The following EFCAB13 variants were observed in gnomAD, a reference collection of about 807,000 sequenced individuals.
The protein encoded by EFCAB13 is EF-hand calcium-binding domain-containing protein 13.
In EFCAB13, 91 loss-of-function variants were observed where a neutral mutation model predicts 110.2. The observed-to-expected ratio is 0.83, with a 90% CI of 0.70 to 0.98. EFCAB13 has a LOEUF of 0.98. Ranked by LOEUF, EFCAB13 falls within the 50% of genes least tolerant of loss-of-function variation. The probability of loss-of-function intolerance (pLI) is 0.00; values close to 1 mark genes in which losing one functional copy is unlikely to be tolerated. For synonymous variants in EFCAB13, 323 were observed against 369.9 expected (o/e 0.87, Z 1.45); for missense variants, 968 against 1,119.4 (o/e 0.86, Z 1.93).
intron 23 of EFCAB13, among the ~76,000 whole-genome samples, chr17:47,428,169 C>G (rs1251419694): frequency 2.0e-5 from 3 of 151,932 alleles, no homozygotes; most frequent in African/African-American, 7.2e-5. Flanking sequence ...TGAATATTAA[C>G]ATTTTCAAAA....
At position 47,398,614 on chromosome 17, in the gene EFCAB13, G is replaced by A. The variant is rs1202119407; in HGVS notation, c.1945+2637G>A. ...ACTCAGGGTTAAATGGATTAAGGGC[G>A]GTGCAAGATGTGCTTTGTTAAACAG... On this transcript the variant is annotated intron_variant, in intron 17 of 24. Coordinates refer to ENST00000331493, the MANE Select transcript of EFCAB13 (RefSeq NM_152347.5). Among the ~76,000 whole-genome samples, 5 of 151,666 alleles carry A rather than the reference G, an allele frequency of 3.3e-5. No individual in the cohort carries two copies. In the South Asian group the frequency reaches 6.3e-4, roughly 19 times the overall value.
chr17:47,434,022 CCA>C (rs1384829957), intron 24 of EFCAB13, among the ~76,000 whole-genome samples: 4 of 151,804 alleles, frequency 2.6e-5, no homozygotes, highest in Non-Finnish European at 5.9e-5. Context: ...TTGTCAAATA[CCA>C]CAGTTTAAAA....
chr17:47,361,414 A>G lies in EFCAB13; in HGVS notation c.698A>G (p.Lys233Arg). Residue 233 changes from lysine to arginine, a missense_variant, in exon 10 of 25, where the codon AAA becomes AGA. Lys to Arg is a conservative substitution (Grantham distance 26). Transcript: ENST00000331493. The part of the protein sequence containing the change: ...QDALKIFCRI[K>R]GGRVSTDDVF... ...GCCTTGAAGATTTTCTGTAGGATAA[A>G]AGGTGGTCGAGTTTCAACTGATGAC... 1 of 1,613,864 alleles carries G rather than the reference A, an allele frequency of 6.2e-7. No individual in the cohort carries two copies. The highest frequency in any genetic ancestry group is 8.5e-7 in the Non-Finnish European group (1 of 1,179,858).
At chr17:47,411,370 C>A (rs897688342) in intron 21 of EFCAB13, among the ~76,000 whole-genome samples, 1 of 152,310 alleles carries the variant, frequency 6.6e-6, no homozygotes, top group Non-Finnish European at 1.5e-5. Context: ...CATTTCCCCC[C>A]CAAACTCAGT....
intron 14 of EFCAB13, 33 bp from the exon 15 acceptor site, chr17:47,391,404 T>A (rs2065706737): frequency 1.4e-6 from 2 of 1,459,438 alleles, no homozygotes; most frequent in Non-Finnish European, 1.8e-6. Flanking sequence ...TGACTTATAT[T>A]TAATACTTAT....
At chr17:47,349,773 T>C (rs1201322801) in intron 9 of EFCAB13, among the ~76,000 whole-genome samples, 3 of 138,678 alleles carry the variant, frequency 2.2e-5, no homozygotes, top group Non-Finnish European at 3.1e-5. Context: ...TTTTTTTTTT[T>C]TTTTTTTTTT....
At chr17:47,343,476 G>A (rs1324362291) in intron 6 of EFCAB13, among the ~76,000 whole-genome samples, 2 of 151,956 alleles carry the variant, frequency 1.3e-5, no homozygotes, top group African/African-American at 2.4e-5. Flanking sequence ...CCCCACTCTT[G>A]CTGAAAACAT....
At chr17:47,378,941 T>G (rs1483236311) in intron 13 of EFCAB13, among the ~76,000 whole-genome samples, 2 of 152,208 alleles carry the variant, frequency 1.3e-5, no homozygotes, top group Admixed American at 1.3e-4. Flanking sequence ...AAGCAAGGAC[T>G]GTGTCTTTCT....
At chr17:47,386,074 G>A (rs2065674134) in intron 14 of EFCAB13, among the ~76,000 whole-genome samples, 2 of 152,190 alleles carry the variant, frequency 1.3e-5, no homozygotes, top group Non-Finnish European at 2.9e-5. Flanking sequence ...ATCGCTGTTG[G>A]GAGGTCTCTC....
At chr17:47,409,756 C>G (rs1271826919) in intron 21 of EFCAB13, 65 bp downstream of exon 21, 1 of 1,242,890 alleles carries the variant, frequency 8.0e-7, no homozygotes, top group East Asian at 2.3e-5. Flanking sequence ...GAATAATTGC[C>G]AAGTACCAAT....
chr17:47,407,433 T>G (rs1422065311), intron 20 of EFCAB13, among the ~76,000 whole-genome samples: 4 of 152,088 alleles, frequency 2.6e-5, no homozygotes. Flanking sequence ...TATTCGACAG[T>G]GTAGATCTCA....
intron 23 of EFCAB13, among the ~76,000 whole-genome samples, chr17:47,417,735 T>G (rs1456247402): frequency 2.0e-5 from 3 of 152,258 alleles, no homozygotes; most frequent in Non-Finnish European, 2.9e-5. Context: ...TGTTTAGCTC[T>G]GTTATAAATC....
chr17:47,344,433 G>T, intron 7 of EFCAB13, 141 bp downstream of exon 7: 1 of 1,080,680 alleles, frequency 9.3e-7, no homozygotes, highest in Non-Finnish European at 1.3e-6. Context: ...AGAGATAAGA[G>T]CACTGTATAT....
Position 47,373,234 on chromosome 17 carries a change from C to G in EFCAB13, c.878-1238C>G, listed in dbSNP as rs370119149. Among the ~76,000 whole-genome samples the G allele has an allele frequency of 5.9e-5, 9 of 152,208 alleles. No homozygotes were observed. The East Asian group carries it at 1.5e-3, about 26-fold the overall frequency. ...TCTCTATTGTATTTTGCATTTCTTT[C>G]ATTACACTTTTCAGCTCTTGATTTT... On this transcript the variant is annotated intron_variant, in intron 11 of 24. Coordinates refer to ENST00000331493, the MANE Select transcript of EFCAB13 (RefSeq NM_152347.5).
At chr17:47,367,831 C>A (rs767165143) in intron 10 of EFCAB13, among the ~76,000 whole-genome samples, 11 of 152,154 alleles carry the variant, frequency 7.2e-5, no homozygotes, top group Non-Finnish European at 1.5e-4. Flanking sequence ...AAGTACTGGG[C>A]AGTGCTGCAG....
chr17:47,395,585 T>G (rs2065732708), intron 16 of EFCAB13, among the ~76,000 whole-genome samples: 1 of 152,158 alleles, frequency 6.6e-6, no homozygotes, highest in African/African-American at 2.4e-5. Context: ...AAATTATTAT[T>G]TATAATGTTT....
intron 14 of EFCAB13, among the ~76,000 whole-genome samples, chr17:47,382,368 C>T (rs754184328): frequency 1.1e-4 from 16 of 152,110 alleles, no homozygotes; most frequent in Admixed American, 1.3e-4. Flanking sequence ...TGCCTGATTG[C>T]TGTGGGGAGA....
chr17:47,338,439 G>A (rs2065364143), intron 5 of EFCAB13, among the ~76,000 whole-genome samples: 1 of 151,768 alleles, frequency 6.6e-6, no homozygotes, highest in African/African-American at 2.4e-5. Context: ...TTGGAGAGGT[G>A]AGGTCTCACT....
At chr17:47,342,183 C>T (rs2065389496) in intron 6 of EFCAB13, 151 bp downstream of exon 6, 1 of 485,634 alleles carries the variant, frequency 2.1e-6, no homozygotes, top group African/African-American at 2.0e-5. Context: ...TCTTAATTCT[C>T]CTTTTTCTTC....
Sources: gnomAD v4.1 joint callset for allele counts (sites outside exome capture counted in the v4.1 genomes callset) on GRCh38, gnomAD v4.1.1 for gene constraint, MANE v1.5 for transcripts, NCBI Gene and HGNC (gene_info 2026-07-23, HGNC 2026-07-21) for gene names.